The following MYO5B variants were observed in gnomAD, a reference collection of about 807,000 sequenced individuals.
MYO5B encodes unconventional myosin-Vb.
Under a neutral mutation model 229.3 loss-of-function variants are expected in MYO5B, and 143 were observed. The observed-to-expected ratio is 0.62, with a 90% CI of 0.54 to 0.72. MYO5B has a LOEUF of 0.72. Ranked by LOEUF, MYO5B falls within the 30% of genes least tolerant of loss-of-function variation. The probability of loss-of-function intolerance (pLI) is 0.00; values close to 1 mark genes in which losing one functional copy is unlikely to be tolerated. For missense variants in MYO5B, 2,321 were observed against 2,331.0 expected, an observed-to-expected ratio of 1.00 and a Z score of 0.09; for synonymous variants, 918 against 885.2, an observed-to-expected ratio of 1.04 and a Z score of -0.66.
chr18:50,113,080 T>C (rs2031895146), intron 1 of MYO5B, among the ~76,000 whole-genome samples: 2 of 152,216 alleles, frequency 1.3e-5, no homozygotes, highest in African/African-American at 4.8e-5. Context: ...GAGACCTGTT[T>C]CAAGTGTGCC....
chr18:50,062,074 C>T (rs566264990), intron 1 of MYO5B, among the ~76,000 whole-genome samples: 3 of 152,098 alleles, frequency 2.0e-5, no homozygotes, highest in Admixed American at 6.5e-5. Flanking sequence ...CTGTCTACCC[C>T]ACTCCTGGAG....
chr18:49,984,872 A>T, intron 7 of MYO5B, 47 bp from the exon 8 acceptor site: 1 of 1,318,770 alleles, frequency 7.6e-7, no homozygotes, highest in Non-Finnish European at 1.1e-6. Flanking sequence ...AGGACACTTC[A>T]TCCCACAGAT....
intron 1 of MYO5B, among the ~76,000 whole-genome samples, chr18:50,078,441 T>C (rs1417022048): frequency 2.0e-5 from 3 of 152,190 alleles, no homozygotes; most frequent in East Asian, 1.9e-4. Flanking sequence ...GTCCACCCAC[T>C]AAAATCTGGA....
Position 49,863,254 on chromosome 18 carries a change from G to C in MYO5B, c.3917C>G (p.Ala1306Gly). The change falls in exon 29 of 40, where the codon GCC becomes GGC. Residue 1306 changes from alanine (A) to glycine (G), a missense_variant. Ala to Gly is a moderately conservative substitution (Grantham distance 60). This residue lies in a region of MYO5B where 2,113 missense variants were observed against 2,044.7 expected (regional missense o/e 1.03). Coordinates refer to ENST00000285039, the MANE Select transcript of MYO5B (RefSeq NM_001080467.3). ...KHVDQEDAIE[A>G]YHGVCQTNSK... ...GTTTGTCTGGCAGACCCCGTGATAGGCCTCAATGGCATCCTCCTGGTCAAC... is the reference window on the plus strand; with the variant it reads ...GTTTGTCTGGCAGACCCCGTGATAGCCCTCAATGGCATCCTCCTGGTCAAC... 6.2e-7 allele frequency: 1 copy of C among 1,613,372 alleles called. No homozygotes were observed. Among genetic ancestry groups the C allele is most frequent in the Non-Finnish European group, 8.5e-7 (1 of 1,179,968 alleles).
intron 4 of MYO5B, among the ~76,000 whole-genome samples, chr18:50,021,718 T>A (rs200945278): frequency 2.5e-5 from 3 of 119,596 alleles, no homozygotes; most frequent in Non-Finnish European, 1.7e-5. Flanking sequence ...CCCATCTGCG[T>A]AAAAAAAAAA....
intron 1 of MYO5B, among the ~76,000 whole-genome samples, chr18:50,085,395 C>A (rs2031309327): frequency 6.6e-6 from 1 of 151,898 alleles, no homozygotes; most frequent in South Asian, 2.1e-4. Flanking sequence ...GAACGGCGAA[C>A]ATTAAAAAGT....
intron 4 of MYO5B, among the ~76,000 whole-genome samples, chr18:50,035,596 C>T (rs2026439907): frequency 6.6e-6 from 1 of 152,192 alleles, no homozygotes; most frequent in South Asian, 2.1e-4. Context: ...TTCTTCTCTC[C>T]ACACAATCTT....
intron 1 of MYO5B, among the ~76,000 whole-genome samples, chr18:50,179,532 T>G (rs112106051): frequency 6.6e-6 from 1 of 152,110 alleles, no homozygotes; most frequent in Non-Finnish European, 1.5e-5. Context: ...CAACGGTGCA[T>G]AGTGGAGCCA....
chr18:49,920,175 C>T (rs374766489), intron 17 of MYO5B, among the ~76,000 whole-genome samples: 28 of 152,074 alleles, frequency 1.8e-4, no homozygotes, highest in African/African-American at 6.5e-4. Flanking sequence ...TATTAATGGA[C>T]ACAGGGTTTC....
At chr18:50,059,404 C>T (rs2030632289) in intron 1 of MYO5B, among the ~76,000 whole-genome samples, 1 of 152,154 alleles carries the variant, frequency 6.6e-6, no homozygotes, top group Non-Finnish European at 1.5e-5. Flanking sequence ...AACATCTATC[C>T]AGTGGAGAGA....
At chr18:49,841,076 A>T (rs1288616813) in intron 35 of MYO5B, among the ~76,000 whole-genome samples, 3 of 152,260 alleles carry the variant, frequency 2.0e-5, no homozygotes, top group South Asian at 4.1e-4. Context: ...CAAGAGTTTC[A>T]TGGAGACTCC....
chr18:49,970,236 C>A (rs893084655), intron 10 of MYO5B, among the ~76,000 whole-genome samples: 1 of 152,158 alleles, frequency 6.6e-6, no homozygotes, highest in African/African-American at 2.4e-5. Flanking sequence ...ACCCTGAAGG[C>A]GACTTCACAG....
intron 2 of MYO5B, among the ~76,000 whole-genome samples, chr18:50,053,278 G>T (rs1243753808): frequency 6.6e-6 from 1 of 152,188 alleles, no homozygotes; most frequent in African/African-American, 2.4e-5. Context: ...ATTACATGCT[G>T]CCTGGCCTTG....
chr18:50,109,512 G>A (rs542892628), intron 1 of MYO5B, among the ~76,000 whole-genome samples: 43 of 151,214 alleles, frequency 2.8e-4, no homozygotes, highest in Non-Finnish European at 6.0e-4. Context: ...TGCAAGCTCC[G>A]CTTCCGGGGT....
rs200094239 is a variant in MYO5B at position 49,906,544 on chromosome 18, C to T, written c.2289G>A (p.Lys763=). 6.2e-7 allele frequency: 1 copy of T among 1,614,202 alleles called. No homozygotes were observed. Among genetic ancestry groups the T allele is most frequent in the Non-Finnish European group, 8.5e-7 (1 of 1,180,030 alleles). ...VAYLEKLRAD[K]FRTATIMIQK... is the part of the protein sequence containing the mutation. Reference sequence around the variant, plus strand: ...GGATCATGATGGTGGCTGTCCGGAACTTGTCAGCCCGCAGCTTCTCCAGGT... The same window carrying T: ...GGATCATGATGGTGGCTGTCCGGAATTTGTCAGCCCGCAGCTTCTCCAGGT... The change falls in exon 19 of 40, where the codon AAG becomes AAA. Residue 763 remains lysine (K), a synonymous_variant. Transcript: ENST00000285039.
At position 49,852,356 on chromosome 18, in the gene MYO5B, T is replaced by C. The variant is rs979899666; in HGVS notation, c.4221+1093A>G. 6.6e-5 allele frequency among the ~76,000 whole-genome samples: 10 copies of C among 152,286 alleles called. No homozygotes were observed. In the South Asian group the frequency reaches 1.2e-3, roughly 19 times the overall value. On this transcript the variant is annotated intron_variant, in intron 31 of 39. Coordinates refer to ENST00000285039, the MANE Select transcript of MYO5B (RefSeq NM_001080467.3). ...GGCCAGGTAGGTTTCTTTAACATGG[T>C]GCATTTCTTTTCATAAAGCCACCAG...
At chr18:49,928,621 G>T (rs766149874) in intron 17 of MYO5B, among the ~76,000 whole-genome samples, 12 of 152,126 alleles carry the variant, frequency 7.9e-5, no homozygotes, top group Non-Finnish European at 1.8e-4. Flanking sequence ...TCCCACTATT[G>T]GGTATCTACC....
chr18:49,933,160 G>A (rs1342217670), intron 16 of MYO5B, among the ~76,000 whole-genome samples: 1 of 152,188 alleles, frequency 6.6e-6, no homozygotes, highest in Non-Finnish European at 1.5e-5. Flanking sequence ...CCCAGGCTCA[G>A]CAGCATCCTG....
At chr18:49,869,022 C>CT (rs1385712053) in intron 27 of MYO5B, among the ~76,000 whole-genome samples, 1 of 152,116 alleles carries the variant, frequency 6.6e-6, no homozygotes, top group East Asian at 1.9e-4. Context: ...GTGCATGTAC[C>CT]TGTGGGCAGC....
Sources: gnomAD v4.1 joint callset for allele counts (sites outside exome capture counted in the v4.1 genomes callset) on GRCh38, gnomAD v4.1.1 for gene constraint, gnomAD v4.1.1 regional missense constraint, MANE v1.5 for transcripts, NCBI Gene and HGNC (gene_info 2026-07-23, HGNC 2026-07-21) for gene names.